FRMD3: variants seen among roughly 807,000 people sequenced by gnomAD.
FRMD3 encodes FERM domain containing 3, also known as FERM domain-containing protein 3.
A neutral mutation model predicts 70.2 loss-of-function variants in FRMD3; 33 were observed. The observed-to-expected ratio is 0.47, with a 90% CI of 0.36 to 0.63. The LOEUF (loss-of-function observed/expected upper bound fraction) is 0.63. Ranked by LOEUF, FRMD3 falls within the 20% of genes least tolerant of loss-of-function variation. The pLI is 0.00. For synonymous variants in FRMD3, 279 were observed against 255.9 expected (o/e 1.09, Z -0.86); for missense variants, 632 against 711.4 (o/e 0.89, Z 1.27).
intron 3 of FRMD3, among the ~76,000 whole-genome samples, chr9:83,357,676 G>A (rs1486037527): frequency 1.3e-5 from 2 of 152,030 alleles, no homozygotes; most frequent in African/African-American, 4.8e-5. Flanking sequence ...GATCATTAGT[G>A]ATGTTGAGCA....
At chr9:83,366,754 T>C (rs530659741) in intron 3 of FRMD3, among the ~76,000 whole-genome samples, 34 of 152,366 alleles carry the variant, frequency 2.2e-4, no homozygotes, top group African/African-American at 7.9e-4. Flanking sequence ...TTTTTCATGC[T>C]AATATAATTT....
At chr9:83,324,205 A>G (rs1835921792) in intron 6 of FRMD3, among the ~76,000 whole-genome samples, 1 of 152,250 alleles carries the variant, frequency 6.6e-6, no homozygotes, top group East Asian at 1.9e-4. Flanking sequence ...AGAATACAGT[A>G]TGAGTCCATT....
chr9:83,578,395 A>G, the FRMD3 span, among the ~76,000 whole-genome samples: 2 of 152,014 alleles, frequency 1.3e-5, 1 homozygote, highest in South Asian at 4.1e-4. Flanking sequence ...ACTATAGGTC[A>G]ATATCCCTGA....
chr9:83,453,879 C>T (rs755537804), intron 1 of FRMD3, among the ~76,000 whole-genome samples: 1 of 151,944 alleles, frequency 6.6e-6, no homozygotes, highest in Non-Finnish European at 1.5e-5. Context: ...CCACGCCTGG[C>T]TAATTTTTTG....
the FRMD3 span, among the ~76,000 whole-genome samples, chr9:83,574,639 C>T: frequency 3.3e-5 from 5 of 152,070 alleles, no homozygotes; most frequent in African/African-American, 1.2e-4. Context: ...TGGGGCCACA[C>T]GTGGGAAACT....
At chr9:83,375,480 A>G (rs73648540) in intron 2 of FRMD3, among the ~76,000 whole-genome samples, 5,285 of 152,298 alleles carry the variant, frequency 0.035, 296 homozygotes, top group African/African-American at 0.12. Context: ...TCTTCCCCAA[A>G]GGGAGAGTCA....
At chr9:83,419,458 G>T (rs555797686) in intron 1 of FRMD3, among the ~76,000 whole-genome samples, 1 of 151,952 alleles carries the variant, frequency 6.6e-6, no homozygotes, top group East Asian at 1.9e-4. Flanking sequence ...GAGTGTGTGT[G>T]TGTGTGTGTG....
Position 83,311,978 on chromosome 9 carries a change from G to T in FRMD3, c.685-3C>A. On this transcript the variant is annotated splice_polypyrimidine_tract_variant and splice_region_variant and intron_variant, in intron 7 of 13. Coordinates refer to ENST00000304195, the MANE Select transcript of FRMD3 (RefSeq NM_174938.6). Reference sequence around the variant, plus strand: ...AATGTTGTTGTGCCTGTTGAATCCTGAAAAAAAAAAAAAAGAAAAAAGAAA... The same window carrying T: ...AATGTTGTTGTGCCTGTTGAATCCTTAAAAAAAAAAAAAAGAAAAAAGAAA... The T allele has an allele frequency of 1.1e-4, 142 of 1,326,414 alleles. No homozygotes were observed. Among genetic ancestry groups the T allele is most frequent in the Middle Eastern group, 4.6e-4 (2 of 4,314 alleles). The allele number at this position is 1,326,414 out of a possible 1,614,324, so 82.2% of individuals were successfully genotyped here.
chr9:83,258,205 T>C (rs1015832983), intron 13 of FRMD3, among the ~76,000 whole-genome samples: 7 of 152,188 alleles, frequency 4.6e-5, no homozygotes, highest in Non-Finnish European at 1.0e-4. Context: ...CAGCAGCTAC[T>C]GATAGATGCT....
chr9:83,333,493 T>C (rs1338810618), intron 6 of FRMD3, among the ~76,000 whole-genome samples: 1 of 152,226 alleles, frequency 6.6e-6, no homozygotes, highest in Non-Finnish European at 1.5e-5. Flanking sequence ...TTTCTGAATG[T>C]TAATAAAACA....
chr9:83,258,643 A>G (rs1832838124), intron 13 of FRMD3, among the ~76,000 whole-genome samples: 1 of 152,236 alleles, frequency 6.6e-6, no homozygotes, highest in African/African-American at 2.4e-5. Flanking sequence ...ATCATCTGCA[A>G]TTTGCACTTA....
At chr9:83,453,892 T>C (rs1204009183) in intron 1 of FRMD3, among the ~76,000 whole-genome samples, 2 of 151,986 alleles carry the variant, frequency 1.3e-5, no homozygotes, top group Non-Finnish European at 2.9e-5. Flanking sequence ...ATTTTTTGTA[T>C]TTTTAGTAGA....
At chr9:83,505,329 T>C (rs1829157473) in intron 1 of FRMD3, among the ~76,000 whole-genome samples, 1 of 152,200 alleles carries the variant, frequency 6.6e-6, no homozygotes, top group Admixed American at 6.5e-5. Context: ...TTTCTGTATT[T>C]ATCTACTTGA....
intron 5 of FRMD3, among the ~76,000 whole-genome samples, chr9:83,341,728 C>T (rs931656262): frequency 6.6e-6 from 1 of 152,146 alleles, no homozygotes; most frequent in Non-Finnish European, 1.5e-5. Context: ...AGGGTTTTAA[C>T]ACCTCTGCCA....
At chr9:83,557,188 A>T in the FRMD3 span, among the ~76,000 whole-genome samples, 2 of 152,214 alleles carry the variant, frequency 1.3e-5, no homozygotes, top group Non-Finnish European at 2.9e-5. Flanking sequence ...TTATCTGCTG[A>T]TAAGTCTTCT....
chr9:83,514,784 C>A (rs970458192), intron 1 of FRMD3, among the ~76,000 whole-genome samples: 1 of 152,226 alleles, frequency 6.6e-6, no homozygotes, highest in Non-Finnish European at 1.5e-5. Flanking sequence ...GCAATCTTTG[C>A]TGTTCTGCAG....
chr9:83,460,386 A>G (rs4877770), intron 1 of FRMD3, among the ~76,000 whole-genome samples: 51,979 of 151,864 alleles, frequency 0.34, 9,249 homozygotes, highest in Middle Eastern at 0.41. Context: ...CCCTCTCCCA[A>G]TTTAACCCAC....
chr9:83,475,453 G>A (rs1464836100), intron 1 of FRMD3, among the ~76,000 whole-genome samples: 5 of 151,886 alleles, frequency 3.3e-5, no homozygotes, highest in South Asian at 4.2e-4. Context: ...GGTAAAACAC[G>A]AAAAGGAAAA....
intron 1 of FRMD3, among the ~76,000 whole-genome samples, chr9:83,430,452 C>T (rs1438200909): frequency 6.6e-6 from 1 of 152,180 alleles, no homozygotes; most frequent in Non-Finnish European, 1.5e-5. Flanking sequence ...TAGACACGTG[C>T]AGATGACAAA....
Sources: gnomAD v4.1 joint callset for allele counts (sites outside exome capture counted in the v4.1 genomes callset) on GRCh38, gnomAD v4.1.1 for gene constraint, MANE v1.5 for transcripts, NCBI Gene and HGNC (gene_info 2026-07-23, HGNC 2026-07-21) for gene names.